Variants in WDPCP observed in about 807,000 individuals in gnomAD.
WDPCP encodes WD repeat containing planar cell polarity effector.
WDPCP carries 71 observed loss-of-function variants against 93.1 expected under a neutral mutation model. The ratio of observed to expected loss-of-function variants is 0.76; its 90% CI spans 0.63 to 0.93. The LOEUF is 0.93. WDPCP is among the 40% of genes least tolerant of loss of function. The pLI, the probability that WDPCP is intolerant of heterozygous loss-of-function variation, is 0.00. For missense variants in WDPCP, 844 were observed against 887.4 expected (o/e 0.95, Z 0.62); for synonymous variants, 315 against 315.0 (o/e 1.00, Z 0.00).
intron 2 of WDPCP, chr2:63,752,305 G>A: frequency 2.4e-6 from 2 of 833,870 alleles, no homozygotes; most frequent in Non-Finnish European, 4.1e-6. Context: ...CTTCTTTAAT[G>A]CCAGCAACAA....
chr2:63,668,767 C>T (rs1234714033), intron 2 of WDPCP, among the ~76,000 whole-genome samples: 5 of 152,170 alleles, frequency 3.3e-5, no homozygotes, highest in African/African-American at 4.8e-5. Context: ...CCCTCTCTCC[C>T]CTCCTCCTTT....
At chr2:63,220,612 T>C (rs1258284883) in intron 14 of WDPCP, among the ~76,000 whole-genome samples, 1 of 151,904 alleles carries the variant, frequency 6.6e-6, no homozygotes, top group Non-Finnish European at 1.5e-5. Flanking sequence ...AATTACCCAG[T>C]AGTGCAGACA....
chr2:63,375,617 A>G (rs969387246), intron 12 of WDPCP, among the ~76,000 whole-genome samples: 4 of 151,936 alleles, frequency 2.6e-5, no homozygotes, highest in Non-Finnish European at 4.4e-5. Context: ...ATAATTTTTT[A>G]TATTTGTTAA....
chr2:63,492,849 C>T lies in WDPCP; in HGVS notation c.160+7G>A. On this transcript the variant is annotated splice_region_variant and intron_variant, in intron 2 of 17. Coordinates refer to ENST00000272321, the MANE Select transcript of WDPCP (RefSeq NM_015910.7). The stretch of plus-strand genomic sequence containing the variant: ...AAAATATTGAAATTAATCCAGAGCT[C>T]ATTTACCCGCAATGTGTAAGGTATT... 3 of 1,612,866 alleles carry T rather than the reference C, an allele frequency of 1.9e-6. No homozygotes were observed. Among genetic ancestry groups the T allele is most frequent in the Non-Finnish European group, 2.5e-6 (3 of 1,179,194 alleles).
intron 17 of WDPCP, among the ~76,000 whole-genome samples, chr2:63,143,375 G>C (rs1671239566): frequency 6.6e-6 from 1 of 152,126 alleles, no homozygotes; most frequent in South Asian, 2.1e-4. Context: ...TATCCATTCT[G>C]TGGTTCTGTA....
At chr2:63,604,065 A>G (rs1346332829) in intron 3 of WDPCP, among the ~76,000 whole-genome samples, 1 of 149,400 alleles carries the variant, frequency 6.7e-6, no homozygotes, top group Non-Finnish European at 1.5e-5. Flanking sequence ...ATTGTTACAT[A>G]TGTTATAATT....
chr2:63,183,153 GTTAT>G (rs1674377696), intron 14 of WDPCP, among the ~76,000 whole-genome samples: 2 of 151,502 alleles, frequency 1.3e-5, no homozygotes, highest in South Asian at 2.1e-4. Context: ...TCCCTGATTT[GTTAT>G]TTGTTTTCTG....
chr2:63,473,041 C>T (rs1005346195), intron 6 of WDPCP, among the ~76,000 whole-genome samples: 7 of 152,164 alleles, frequency 4.6e-5, no homozygotes, highest in African/African-American at 1.7e-4. Context: ...AGAATTTCCA[C>T]AAAAGTATGG....
intron 13 of WDPCP, among the ~76,000 whole-genome samples, chr2:63,292,666 C>A (rs1684534819): frequency 6.6e-6 from 1 of 152,204 alleles, no homozygotes; most frequent in Non-Finnish European, 1.5e-5. Flanking sequence ...CACGGATTCC[C>A]CCTTTCTGAT....
intron 14 of WDPCP, among the ~76,000 whole-genome samples, chr2:63,215,773 A>G (rs1210581085): frequency 6.6e-6 from 1 of 152,238 alleles, no homozygotes; most frequent in African/African-American, 2.4e-5. Flanking sequence ...GTGAACAGGC[A>G]ACCTACAGAA....
chr2:63,128,363 A>G (rs1179029498), intron 17 of WDPCP, among the ~76,000 whole-genome samples: 1 of 152,034 alleles, frequency 6.6e-6, no homozygotes, highest in African/African-American at 2.4e-5. Context: ...GATAATTAAA[A>G]CTTTTTCCTT....
chr2:63,734,310 A>G (rs1669607089), intron 2 of WDPCP, among the ~76,000 whole-genome samples: 1 of 152,178 alleles, frequency 6.6e-6, no homozygotes, highest in South Asian at 2.1e-4. Flanking sequence ...GGCAAACATC[A>G]CAAAAGGCCT....
At chr2:63,261,627 C>G (rs371231498) in intron 13 of WDPCP, among the ~76,000 whole-genome samples, 3 of 152,310 alleles carry the variant, frequency 2.0e-5, no homozygotes, top group East Asian at 3.9e-4. Flanking sequence ...GTTACCTCCT[C>G]TGAAAAGGAT....
chr2:63,139,493 A>AT (rs995617885), intron 17 of WDPCP, among the ~76,000 whole-genome samples: 6 of 151,776 alleles, frequency 4.0e-5, no homozygotes, highest in Non-Finnish European at 7.4e-5. Flanking sequence ...CTACTGTTTG[A>AT]TTTTTTTTAT....
intron 11 of WDPCP, among the ~76,000 whole-genome samples, chr2:63,381,650 T>G (rs568105991): frequency 3.3e-5 from 5 of 152,276 alleles, no homozygotes; most frequent in South Asian, 4.1e-4. Flanking sequence ...TAGACTGAAT[T>G]GTACAATGAC....
At chr2:63,696,301 T>C (rs1487613307) in intron 2 of WDPCP, among the ~76,000 whole-genome samples, 1 of 60,442 alleles carries the variant, frequency 1.7e-5, no homozygotes, top group African/African-American at 1.0e-4. Context: ...CCGTTGCTAA[T>C]ACCCCAGCAA....
intron 14 of WDPCP, among the ~76,000 whole-genome samples, chr2:63,181,578 C>G (rs189766885): frequency 1.3e-5 from 2 of 152,204 alleles, no homozygotes; most frequent in Admixed American, 6.5e-5. Context: ...AAGTACCATG[C>G]TGTTTTGGTT....
chr2:63,225,417 G>A (rs537804789), intron 14 of WDPCP, among the ~76,000 whole-genome samples: 3 of 151,900 alleles, frequency 2.0e-5, no homozygotes, highest in South Asian at 4.1e-4. Flanking sequence ...GAATTCTCAC[G>A]TATTGGCAGT....
intron 14 of WDPCP, among the ~76,000 whole-genome samples, chr2:63,249,674 A>G (rs910474282): frequency 6.6e-6 from 1 of 152,158 alleles, no homozygotes; most frequent in Non-Finnish European, 1.5e-5. Flanking sequence ...ATTTGGCTGT[A>G]TGTCACTCAG....
Sources: gnomAD v4.1 joint callset for allele counts (sites outside exome capture counted in the v4.1 genomes callset) on GRCh38, gnomAD v4.1.1 for gene constraint, MANE v1.5 for transcripts, NCBI Gene and HGNC (gene_info 2026-07-23, HGNC 2026-07-21) for gene names.